Variants in NPFFR1 observed in about 807,000 individuals in gnomAD.
The protein encoded by NPFFR1 is G-protein coupled receptor 147.
In NPFFR1, 17 loss-of-function variants were observed where a neutral mutation model predicts 12.7. The ratio of observed to expected loss-of-function variants is 1.34; its 90% confidence interval spans 0.92 to 2.01. The LOEUF (loss-of-function observed/expected upper bound fraction) is 2.01, where lower values mean the gene tolerates loss of function less well. Among genes scored for constraint, NPFFR1 ranks in the 30% most tolerant of loss-of-function variants. The pLI, the probability that NPFFR1 is intolerant of heterozygous loss-of-function variation, is 0.00. For missense variants in NPFFR1, 604 were observed against 606.5 expected, an observed-to-expected ratio of 1.00 and a Z score of 0.04; for synonymous variants, 296 against 264.5, an observed-to-expected ratio of 1.12 and a Z score of -1.16.
At chr10:70,261,203 G>A (rs1840629930) in intron 2 of NPFFR1, among the ~76,000 whole-genome samples, 1 of 151,972 alleles carries the variant, frequency 6.6e-6, no homozygotes, top group South Asian at 2.1e-4. Flanking sequence ...TTCTTGTGAT[G>A]GTGAGTAAGT....
intron 2 of NPFFR1, 37 bp downstream of exon 2, chr10:70,266,040 G>A (rs1447183728): frequency 6.4e-7 from 1 of 1,570,520 alleles, no homozygotes; most frequent in Non-Finnish European, 8.7e-7. Context: ...GAAGTGGGGG[G>A]TAGGGGACAC....
At chr10:70,280,126 G>C (rs1044711953) in intron 1 of NPFFR1, among the ~76,000 whole-genome samples, 3 of 152,096 alleles carry the variant, frequency 2.0e-5, no homozygotes, top group African/African-American at 7.2e-5. Flanking sequence ...TCCATTCATC[G>C]GTTTATATAC....
At chr10:70,258,280 G>A (rs1208106390) in intron 3 of NPFFR1, among the ~76,000 whole-genome samples, 1 of 150,892 alleles carries the variant, frequency 6.6e-6, no homozygotes, top group East Asian at 1.9e-4. Flanking sequence ...CTCCAGCCAA[G>A]GCAATAGAGC....
chr10:70,282,578 T>C (rs1439700308), intron 1 of NPFFR1, among the ~76,000 whole-genome samples: 1 of 152,206 alleles, frequency 6.6e-6, no homozygotes, highest in Non-Finnish European at 1.5e-5. Context: ...CAATTACTAA[T>C]TGGAATTTTG....
rs1358475174 is a variant in NPFFR1, at chr10:70,283,960, A to G, written c.-284T>C. 1.3e-5 allele frequency among the ~76,000 whole-genome samples: 2 copies of G among 152,086 alleles called. No individual in the cohort carries two copies. The highest frequency in any genetic ancestry group is 2.4e-5 in the African/African-American group (1 of 41,438). ...CGCCCCTCGCCTCCCGACCAGGGGA[A>G]GGAGGGGGCTCGTGAGGCGCAGTCG... On this transcript the variant is annotated 5_prime_UTR_variant, in exon 1 of 4. Coordinates refer to ENST00000277942, the MANE Select transcript of NPFFR1 (RefSeq NM_022146.5).
chr10:70,275,606 A>C (rs972478006), intron 1 of NPFFR1, among the ~76,000 whole-genome samples: 2 of 151,846 alleles, frequency 1.3e-5, no homozygotes, highest in African/African-American at 2.4e-5. Context: ...TCTTTTAGTT[A>C]AACTAGAAAT....
chr10:70,273,675 G>T (rs1840772688), intron 1 of NPFFR1, among the ~76,000 whole-genome samples: 1 of 152,150 alleles, frequency 6.6e-6, no homozygotes, highest in South Asian at 2.1e-4. Flanking sequence ...ACCAACCGCT[G>T]GCCAGAGGAT....
At position 70,249,898 on chromosome 10, in the gene NPFFR1, C is replaced by T. The variant is rs1589906821; in HGVS notation, c.*5059G>A. On this transcript the variant is annotated 3_prime_UTR_variant, in exon 4 of 4. Coordinates refer to ENST00000277942, the MANE Select transcript of NPFFR1 (RefSeq NM_022146.5). ...CTAGTCATCAGGGAAATTTTCTTTTCTTCTTTCTTTCTTTCTTTTTTTTTT... is the reference window on the plus strand; with the variant it reads ...CTAGTCATCAGGGAAATTTTCTTTTTTTCTTTCTTTCTTTCTTTTTTTTTT... 1.3e-5 allele frequency: 2 copies of T among 149,140 alleles called. No homozygotes were observed. The highest frequency in any genetic ancestry group is 5.0e-5 in the African/African-American group (2 of 40,300). The allele number at this position is 149,140 out of a possible 1,614,324, so 9.2% of individuals were successfully genotyped here.
At chr10:70,260,251 C>A (rs910862837) in intron 3 of NPFFR1, among the ~76,000 whole-genome samples, 4 of 152,154 alleles carry the variant, frequency 2.6e-5, no homozygotes, top group Admixed American at 6.5e-5. Flanking sequence ...AGGGAGAAAC[C>A]CTTCCTCCCC....
rs115032378 is a variant in NPFFR1 at position 70,274,695 on chromosome 10, G to A, written c.8-8304C>T. Among the ~76,000 whole-genome samples, 346 of 152,276 alleles carry A rather than the reference G, an allele frequency of 2.3e-3. 1 individual carries two copies. The highest frequency in any genetic ancestry group is 8.1e-3 in the African/African-American group (335 of 41,562). On this transcript the variant is annotated intron_variant, in intron 1 of 3. Coordinates refer to ENST00000277942, the MANE Select transcript of NPFFR1 (RefSeq NM_022146.5). ...CTTGGCTTTCGAATGTGGATGACCT[G>A]GGCTTCCTGCCTCTCCCAACCTCAT...
intron 1 of NPFFR1, chr10:70,277,993 T>C (rs1840822495): frequency 1.9e-6 from 1 of 519,588 alleles, no homozygotes. Context: ...AGCCACCCAA[T>C]AATTATCTTT....
intron 1 of NPFFR1, among the ~76,000 whole-genome samples, chr10:70,282,052 G>C (rs1211160966): frequency 6.6e-6 from 1 of 152,164 alleles, no homozygotes; most frequent in Admixed American, 6.6e-5. Flanking sequence ...CCCATCTTCA[G>C]TTTTCTGGCA....
At chr10:70,271,410 G>T (rs1840741699) in intron 1 of NPFFR1, among the ~76,000 whole-genome samples, 1 of 152,152 alleles carries the variant, frequency 6.6e-6, no homozygotes, top group Non-Finnish European at 1.5e-5. Flanking sequence ...CTACTCTGGA[G>T]GTTGAGGTGG....
chr10:70,281,893 C>T (rs78699673), intron 1 of NPFFR1, among the ~76,000 whole-genome samples: 2,154 of 152,272 alleles, frequency 0.014, 43 homozygotes, highest in African/African-American at 0.048. Context: ...AAATTCTGAG[C>T]TGAGGGAGTG....
chr10:70,272,816 G>A (rs1247697441), intron 1 of NPFFR1, among the ~76,000 whole-genome samples: 3 of 152,164 alleles, frequency 2.0e-5, no homozygotes, highest in South Asian at 4.2e-4. Flanking sequence ...CAGTTCTCAC[G>A]GTTTACCCTA....
rs371017673 is a variant in NPFFR1, at chr10:70,249,773, G to A, written c.*5184C>T. ...GCTGGGATTACAGGTGTGAGCCACC[G>A]CACCCAGCCAAAATCATGTTTTTAA... is the stretch of plus-strand genomic sequence containing the variant. On this transcript the variant is annotated 3_prime_UTR_variant, in exon 4 of 4. Coordinates refer to ENST00000277942, the MANE Select transcript of NPFFR1 (RefSeq NM_022146.5). 3.4e-3 allele frequency: 503 copies of A among 149,522 alleles called. 1 individual carries two copies. The highest frequency in any genetic ancestry group is 5.8e-3 in the Non-Finnish European group (389 of 67,144). 9.3% of individuals were successfully genotyped at this position (149,522 alleles called of 1,614,324 possible).
intron 1 of NPFFR1, among the ~76,000 whole-genome samples, chr10:70,277,704 G>T (rs995908372): frequency 7.9e-5 from 12 of 152,226 alleles, no homozygotes; most frequent in African/African-American, 2.7e-4. Context: ...GGATGGGTAG[G>T]CAGCTGTGGA....
chr10:70,264,874 T>C (rs57893993), intron 2 of NPFFR1, among the ~76,000 whole-genome samples: 13,892 of 152,188 alleles, frequency 0.091, 710 homozygotes, highest in Middle Eastern at 0.18. Flanking sequence ...TAAATATGAG[T>C]GTATGAAAAA....
intron 1 of NPFFR1, among the ~76,000 whole-genome samples, chr10:70,282,749 A>T (rs867151823): frequency 6.6e-6 from 1 of 152,146 alleles, no homozygotes; most frequent in African/African-American, 2.4e-5. Flanking sequence ...ACTATCTCAA[A>T]GACACCCAGC....
Sources: allele counts gnomAD v4.1 joint callset (sites outside exome capture counted in the v4.1 genomes callset), GRCh38; gene constraint gnomAD v4.1.1; transcripts MANE v1.5; gene names NCBI Gene and HGNC (gene_info 2026-07-23, HGNC 2026-07-21).